KASH5: variants seen among roughly 807,000 people sequenced by gnomAD.
The protein encoded by KASH5 is KASH domain containing 5, also known as protein KASH5.
Under a neutral mutation model 84.2 loss-of-function variants are expected in KASH5, and 72 were observed. The ratio of observed to expected loss-of-function variants is 0.85; its 90% CI spans 0.71 to 1.04. The LOEUF (loss-of-function observed/expected upper bound fraction) is 1.04. KASH5 is among the 50% of genes least tolerant of loss of function. KASH5 has a pLI of 0.00. For synonymous variants in KASH5, 260 were observed against 279.1 expected, an observed-to-expected ratio of 0.93 and a Z score of 0.68; for missense variants, 650 against 701.0, an observed-to-expected ratio of 0.93 and a Z score of 0.82.
At chr19:49,392,784 C>T (rs1424179234) in intron 2 of KASH5, among the ~76,000 whole-genome samples, 2 of 152,094 alleles carry the variant, frequency 1.3e-5, no homozygotes, top group African/African-American at 4.8e-5. Flanking sequence ...TGGTAGCAGG[C>T]ACCTGTAATC....
At chr19:49,405,228 G>A (rs1231339471) in intron 9 of KASH5, among the ~76,000 whole-genome samples, 5 of 151,874 alleles carry the variant, frequency 3.3e-5, no homozygotes, top group Non-Finnish European at 7.4e-5. Context: ...AGACCAAGAA[G>A]GGTGGATTAC....
intron 5 of KASH5, 49 bp from the exon 6 acceptor site, chr19:49,397,602 G>A (rs745463399): frequency 8.2e-6 from 13 of 1,577,050 alleles, no homozygotes; most frequent in African/African-American, 4.0e-5. Flanking sequence ...GGCACTTTAC[G>A]TTTAAGGGTT....
At chr19:49,407,754 G>T (rs920387022) in intron 12 of KASH5, 83 bp downstream of exon 12, 58 of 1,385,126 alleles carry the variant, frequency 4.2e-5, no homozygotes, top group Admixed American at 1.8e-4. Flanking sequence ...TCTCCTCCTC[G>T]TGCCTCTTTG....
Position 49,394,598 on chromosome 19 carries a change from G to A in KASH5, c.148+18G>A. On this transcript the variant is annotated intron_variant, in intron 3 of 19. Transcript: ENST00000447857. ...GAGGACAGGTGGTGGGGGCATGAGG[G>A]GTGCTGGGGACCAGTGCGGGCAGGA... 1 of 1,596,664 alleles carries A rather than the reference G, an allele frequency of 6.3e-7. No homozygotes were observed. The highest frequency in any genetic ancestry group is 8.6e-7 in the Non-Finnish European group (1 of 1,164,642).
Position 49,407,540 on chromosome 19 carries a change from C to A in KASH5, c.934-72C>A, listed in dbSNP as rs531597186. 10 of 1,470,608 alleles carry A rather than the reference C, an allele frequency of 6.8e-6. No homozygotes were observed. In the Admixed American group the frequency reaches 7.9e-5, roughly 12 times the overall value. The allele number at this position is 1,470,608 out of a possible 1,614,324, so 91.1% of individuals were successfully genotyped here. On this transcript the variant is annotated intron_variant, in intron 11 of 19. Coordinates refer to ENST00000447857, the MANE Select transcript of KASH5 (RefSeq NM_144688.5). ...CCTGTCCCTTAACCCCCCAGCCAGT[C>A]CCCCCGCCACCACCACCCCCAGTGT... is the stretch of plus-strand genomic sequence containing the variant.
intron 3 of KASH5, chr19:49,394,898 C>A: frequency 1.7e-6 from 1 of 590,524 alleles, no homozygotes. Context: ...TTTGGTTTAC[C>A]CTGTGATGGG....
chr19:49,397,830 C>T, intron 6 of KASH5, 113 bp downstream of exon 6: 1 of 1,464,238 alleles, frequency 6.8e-7, no homozygotes, highest in Non-Finnish European at 9.4e-7. Flanking sequence ...AGGGACGGGG[C>T]TTTGCTGAAA....
intron 5 of KASH5, among the ~76,000 whole-genome samples, chr19:49,396,440 G>A (rs941237085): frequency 6.6e-6 from 1 of 152,028 alleles, no homozygotes; most frequent in African/African-American, 2.4e-5. Flanking sequence ...TTTTCATAGA[G>A]ACGAGGTTTC....
At chr19:49,409,706 T>C (rs1568621514) in intron 14 of KASH5, 47 bp from the exon 15 acceptor site, 1 of 1,612,294 alleles carries the variant, frequency 6.2e-7, no homozygotes, top group East Asian at 2.2e-5. Flanking sequence ...CCTTGTTTTC[T>C]ACCTTAATAT....
chr19:49,403,182 CCCCG>C (rs1974416932), intron 9 of KASH5, among the ~76,000 whole-genome samples: 4 of 152,072 alleles, frequency 2.6e-5, no homozygotes, highest in Admixed American at 6.6e-5. Flanking sequence ...ATGGTGAAAC[CCCCG>C]TCTCTACTAA....
chr19:49,397,921 C>T lies in KASH5; in HGVS notation c.468-61C>T, dbSNP rs577312982. The T allele has an allele frequency of 4.3e-5, 68 of 1,571,518 alleles. No homozygotes were observed. In the African/African-American group the frequency reaches 5.1e-4, roughly 12 times the overall value. The stretch of plus-strand genomic sequence containing the variant: ...ATCTCCCCACCACCAGCACCTACCT[C>T]GACCCGGGGAAATGAGTCAGGGGCT... On this transcript the variant is annotated intron_variant, in intron 6 of 19. Transcript: ENST00000447857.
chr19:49,390,905 G>T lies in KASH5; in HGVS notation c.22G>T (p.Val8Leu). The part of the protein sequence containing the change: MDLPEGP[V>L]GGPTAEMYLR... ...GCCCATGGACCTGCCCGAGGGCCCG[G>T]TGGGTGGCCCCACTGCGGAAAGTAA... is the stretch of plus-strand genomic sequence containing the variant. Residue 8 changes from valine (V) to leucine (L), a missense_variant, in exon 2 of 20, where the codon GTG (valine) becomes TTG (leucine). Transcript: ENST00000447857. The T allele has an allele frequency of 6.2e-7, 1 of 1,601,488 alleles. No homozygotes were observed. The highest frequency in any genetic ancestry group is 8.5e-7 in the Non-Finnish European group (1 of 1,175,048).
At chr19:49,397,324 T>G (rs1974213576) in intron 5 of KASH5, among the ~76,000 whole-genome samples, 1 of 151,502 alleles carries the variant, frequency 6.6e-6, no homozygotes, top group African/African-American at 2.4e-5. Flanking sequence ...TCTGCTGGAC[T>G]GGGGGTGACA....
In KASH5 at chr19:49,399,342, G is replaced by C; in HGVS notation, c.748-115G>C. The C allele has an allele frequency of 9.0e-7, 1 of 1,109,560 alleles. No homozygotes were observed. The highest frequency in any genetic ancestry group is 1.3e-6 in the Non-Finnish European group (1 of 761,040). The allele number at this position is 1,109,560 out of a possible 1,614,324, so 68.7% of individuals were successfully genotyped here. A position where few individuals can be genotyped will look rare whatever the true frequency, so the allele number is the denominator to read the frequency against. ...AAAGGAGACAGCAGGAGCCATCAGGGCTTCCCAGACCCATTCCCCCAGGCC... is the reference window on the plus strand; with the variant it reads ...AAAGGAGACAGCAGGAGCCATCAGGCCTTCCCAGACCCATTCCCCCAGGCC... On this transcript the variant is annotated intron_variant, in intron 8 of 19. Transcript: ENST00000447857. The surrounding 1 kb of genome is among the most constrained non-coding windows in gnomAD (Gnocchi z 4.4).
chr19:49,400,738 G>C (rs896627273), intron 9 of KASH5, among the ~76,000 whole-genome samples: 29 of 152,146 alleles, frequency 1.9e-4, no homozygotes, highest in Admixed American at 1.8e-3. Context: ...CAGTAGGCTT[G>C]TTTTGAGGAT....
At position 49,407,257 on chromosome 19, in the gene KASH5, T is replaced by C; in HGVS notation, c.894T>C (p.Cys298=). 6.2e-7 allele frequency: 1 copy of C among 1,613,854 alleles called. No individual in the cohort carries two copies. Among genetic ancestry groups the C allele is most frequent in the African/African-American group, 1.3e-5 (1 of 75,004 alleles). Residue 298 remains cysteine (C), a synonymous_variant, in exon 11 of 20, where the codon TGT becomes TGC. Transcript: ENST00000447857. ...KDTLKRQLFE[C]EHLICQRDTI... is the part of the protein sequence containing the mutation. ...CTTGGCAGCGGCAGCTCTTTGAGTG[T>C]GAACACCTCATTTGCCAAAGAGACA...
rs1974854379 is a variant in KASH5 at position 49,414,971 on chromosome 19, A to T, written c.1349A>T (p.Glu450Val). Residue 450 changes from glutamate (E) to valine (V), a missense_variant, in exon 17 of 20, where the codon GAG (glutamate) becomes GTG (valine). Coordinates refer to ENST00000447857, the MANE Select transcript of KASH5 (RefSeq NM_144688.5). This position sits in a 1 kb window ranked among gnomAD's most constrained non-coding sequence, Gnocchi z 4.5. ...PSMWLTRREE[E>V]EDAESQVTAD... ...CTCAGGTTGACCAGAAGAGAGGAAG[A>T]GGAGGATGCAGAGAGCCAGGTCACG... 1.2e-6 allele frequency: 2 copies of T among 1,612,980 alleles called. No individual in the cohort carries two copies.
chr19:49,394,122 C>T (rs1974096382), intron 2 of KASH5, among the ~76,000 whole-genome samples: 1 of 152,172 alleles, frequency 6.6e-6, no homozygotes, highest in Non-Finnish European at 1.5e-5. Context: ...CTCCCAGAAT[C>T]CTCTCTTCTT....
At chr19:49,403,224 T>A (rs748928268) in intron 9 of KASH5, among the ~76,000 whole-genome samples, 43 of 152,050 alleles carry the variant, frequency 2.8e-4, no homozygotes, top group Non-Finnish European at 5.3e-4. Context: ...AAATAAATAA[T>A]TAGTTGGGCA....
Sources: gnomAD v4.1 joint callset for allele counts (sites outside exome capture counted in the v4.1 genomes callset) on GRCh38, gnomAD v4.1.1 for gene constraint, Gnocchi (gnomAD v3.1) non-coding constraint, MANE v1.5 for transcripts, NCBI Gene and HGNC (gene_info 2026-07-23, HGNC 2026-07-21) for gene names.